GALNT13: variants seen among roughly 807,000 people sequenced by gnomAD.
The protein encoded by GALNT13 is polypeptide N-acetylgalactosaminyltransferase 13.
Under a neutral mutation model 64.2 loss-of-function variants are expected in GALNT13, and 28 were observed. The observed-to-expected ratio is 0.44, with a 90% confidence interval of 0.32 to 0.60. The LOEUF is 0.60. GALNT13 is among the 20% of genes least tolerant of loss of function. The pLI is 0.05. For missense variants in GALNT13, 577 were observed against 669.8 expected, an observed-to-expected ratio of 0.86 and a Z score of 1.53; for synonymous variants, 214 against 224.6, an observed-to-expected ratio of 0.95 and a Z score of 0.42.
the GALNT13 span, among the ~76,000 whole-genome samples, chr2:153,571,568 G>A: frequency 6.6e-6 from 1 of 151,966 alleles, no homozygotes; most frequent in Non-Finnish European, 1.5e-5. Context: ...CATTCAGTAT[G>A]ATACTAGCTG....
At chr2:153,308,268 A>G in the GALNT13 span, among the ~76,000 whole-genome samples, 1 of 152,176 alleles carries the variant, frequency 6.6e-6, no homozygotes, top group African/African-American at 2.4e-5. Context: ...TGTATTACAC[A>G]CTTTCCTACT....
the GALNT13 span, among the ~76,000 whole-genome samples, chr2:153,135,366 C>T: frequency 1.6e-3 from 250 of 152,180 alleles, 1 homozygote; most frequent in Non-Finnish European, 2.9e-3. Flanking sequence ...ACTCCATCTG[C>T]GAATGACCAG....
At chr2:153,564,279 A>G in the GALNT13 span, among the ~76,000 whole-genome samples, 1 of 152,066 alleles carries the variant, frequency 6.6e-6, no homozygotes, top group African/African-American at 2.4e-5. Flanking sequence ...TCTTCCTGGC[A>G]TACTACCTGC....
chr2:153,095,912 G>A, the GALNT13 span, among the ~76,000 whole-genome samples: 2 of 152,114 alleles, frequency 1.3e-5, no homozygotes, highest in African/African-American at 2.4e-5. Flanking sequence ...GGGAGGGATA[G>A]CATTAGGAGA....
At chr2:154,031,177 A>G (rs543868806) in intron 3 of GALNT13, among the ~76,000 whole-genome samples, 1 of 152,164 alleles carries the variant, frequency 6.6e-6, no homozygotes, top group Non-Finnish European at 1.5e-5. Context: ...CAACATTCTT[A>G]TAATACATAT....
At chr2:153,878,697 T>C (rs1236027140) in intron 1 of GALNT13, among the ~76,000 whole-genome samples, 4 of 152,202 alleles carry the variant, frequency 2.6e-5, no homozygotes, top group Non-Finnish European at 5.9e-5. Flanking sequence ...AATTTCTCCA[T>C]CTTCCCTCCA....
the GALNT13 span, among the ~76,000 whole-genome samples, chr2:153,656,317 A>AGTGTGTGTGAGTGT: frequency 2.0e-5 from 3 of 149,362 alleles, no homozygotes; most frequent in Admixed American, 2.0e-4. Context: ...GACTTAAAGA[A>AGTGTGTGTGAGTGT]GTGTGTGTGT....
At chr2:153,543,036 T>C in the GALNT13 span, among the ~76,000 whole-genome samples, 4 of 152,240 alleles carry the variant, frequency 2.6e-5, no homozygotes, top group Admixed American at 1.3e-4. Context: ...AATAGAAGTT[T>C]TGATAATTTC....
At chr2:153,845,132 C>A in the GALNT13 span, among the ~76,000 whole-genome samples, 1 of 152,186 alleles carries the variant, frequency 6.6e-6, no homozygotes, top group Non-Finnish European at 1.5e-5. Flanking sequence ...TCCACATTTT[C>A]AGGCATCTTT....
the GALNT13 span, among the ~76,000 whole-genome samples, chr2:153,224,159 T>C: frequency 6.6e-6 from 1 of 152,054 alleles, no homozygotes; most frequent in Non-Finnish European, 1.5e-5. Context: ...AATTTAAAAA[T>C]TGGGCAACTT....
At chr2:153,087,593 G>C in the GALNT13 span, among the ~76,000 whole-genome samples, 5 of 152,146 alleles carry the variant, frequency 3.3e-5, no homozygotes, top group Non-Finnish European at 5.9e-5. Flanking sequence ...ATTCAGCTGT[G>C]AATGCATCTG....
chr2:154,425,142 A>G (rs759422444), intron 11 of GALNT13, among the ~76,000 whole-genome samples: 5 of 152,186 alleles, frequency 3.3e-5, no homozygotes, highest in Non-Finnish European at 7.3e-5. Context: ...TATATATGTA[A>G]CAATTTTATC....
At chr2:154,107,015 T>A (rs1055957008) in intron 3 of GALNT13, among the ~76,000 whole-genome samples, 5 of 129,520 alleles carry the variant, frequency 3.9e-5, no homozygotes, top group Non-Finnish European at 8.9e-5. Flanking sequence ...GGACAGCTGG[T>A]TTTTTTTGTT....
chr2:154,173,975 G>A (rs1019664957), intron 4 of GALNT13, among the ~76,000 whole-genome samples: 2 of 152,130 alleles, frequency 1.3e-5, no homozygotes, highest in East Asian at 1.9e-4. Flanking sequence ...GTAGACGATA[G>A]TATGGAGGTT....
chr2:154,443,918 A>C (rs1195795762), intron 12 of GALNT13, among the ~76,000 whole-genome samples: 3 of 152,190 alleles, frequency 2.0e-5, no homozygotes, highest in Non-Finnish European at 4.4e-5. Flanking sequence ...ACTATATTAT[A>C]AACAAAACTC....
chr2:154,187,357 G>A (rs1423505499), intron 4 of GALNT13, among the ~76,000 whole-genome samples: 2 of 140,502 alleles, frequency 1.4e-5, no homozygotes, highest in Admixed American at 8.0e-5. Flanking sequence ...GAGTAAGAAA[G>A]AGATAGGAGA....
chr2:153,336,859 TG>T, the GALNT13 span, among the ~76,000 whole-genome samples: 46 of 152,288 alleles, frequency 3.0e-4, no homozygotes, highest in African/African-American at 1.0e-3. Flanking sequence ...CCATGTATTG[TG>T]GGAGGGACCC....
the GALNT13 span, among the ~76,000 whole-genome samples, chr2:153,354,022 G>A: frequency 6.6e-6 from 1 of 152,096 alleles, no homozygotes; most frequent in East Asian, 1.9e-4. Context: ...AAACTCATCT[G>A]GGCCTGGTAC....
the GALNT13 span, among the ~76,000 whole-genome samples, chr2:153,117,633 A>G: frequency 6.6e-6 from 1 of 152,218 alleles, no homozygotes; most frequent in Non-Finnish European, 1.5e-5. Flanking sequence ...AAAATAGAGT[A>G]TAACTTCTAG....
Sources: allele counts gnomAD v4.1 joint callset (sites outside exome capture counted in the v4.1 genomes callset), GRCh38; gene constraint gnomAD v4.1.1; transcripts MANE v1.5; gene names NCBI Gene and HGNC (gene_info 2026-07-23, HGNC 2026-07-21).